CYLD: variants seen among roughly 807,000 people sequenced by gnomAD.
CYLD encodes the protein CYLD lysine 63 deubiquitinase, also known as ubiquitin carboxyl-terminal hydrolase CYLD.
CYLD carries 26 observed loss-of-function variants against 104.5 expected under a neutral mutation model. The ratio of observed to expected loss-of-function variants is 0.25; its 90% CI spans 0.18 to 0.35. The LOEUF is 0.35. Ranked by LOEUF, CYLD falls within the 10% of genes least tolerant of loss-of-function variation. CYLD has a pLI of 1.00. For missense variants in CYLD, 703 were observed against 1,136.1 expected (o/e 0.62, Z 5.48); for synonymous variants, 385 against 399.9 (o/e 0.96, Z 0.45).
Position 50,775,111 on chromosome 16 carries a change from C to A in CYLD, c.914-55C>A, listed in dbSNP as rs999493651. The A allele has an allele frequency of 5.3e-6, 8 of 1,519,740 alleles. No individual in the cohort carries two copies. In the African/African-American group the frequency reaches 5.5e-5, roughly 10 times the overall value. 94.1% of individuals were successfully genotyped at this position (1,519,740 alleles called of 1,614,324 possible). A position where few individuals can be genotyped will look rare whatever the true frequency, so the allele number is the denominator to read the frequency against. On this transcript the variant is annotated intron_variant, in intron 5 of 18. Coordinates refer to ENST00000427738, the MANE Select transcript of CYLD (RefSeq NM_001378743.1). ...TTAAAATGTAAAAATTTTCCTATTTCTTTCTTTCTGTCCTCAAATCCACTG... is the reference window on the plus strand; with the variant it reads ...TTAAAATGTAAAAATTTTCCTATTTATTTCTTTCTGTCCTCAAATCCACTG...
Position 50,801,150 on chromosome 16 carries a change from T to G in CYLD, c.*4642T>G, listed in dbSNP as rs1972431152. ...GGGAGAAAGACTGTTCATCTTATTC[T>G]GAATCCTGGAGCAGCTGAAGGTTTT... On this transcript the variant is annotated 3_prime_UTR_variant, in exon 19 of 19. Transcript: ENST00000427738. The G allele has an allele frequency of 8.6e-6, 2 of 233,484 alleles. No homozygotes were observed. Among genetic ancestry groups the G allele is most frequent in the Non-Finnish European group, 1.7e-5 (2 of 118,090 alleles). 14.5% of individuals were successfully genotyped at this position (233,484 alleles called of 1,614,324 possible).
In CYLD at chr16:50,786,903, T is replaced by C. The variant is rs1272045051; in HGVS notation, c.1998T>C (p.Leu666=). The change falls in exon 13 of 19, where the codon CTT becomes CTC. Residue 666 remains leucine, a synonymous_variant. Transcript: ENST00000427738. Reference sequence around the variant, plus strand: ...AAATTATGAAACTGAGGAAAATACTTGAAAAGGTGGAGGCTGCATCAGGAT... The same window carrying C: ...AAATTATGAAACTGAGGAAAATACTCGAAAAGGTGGAGGCTGCATCAGGAT... The part of the protein sequence containing the change: ...ATKIMKLRKI[L]EKVEAASGFT... The C allele has an allele frequency of 6.2e-7, 1 of 1,614,042 alleles. No homozygotes were observed. Among genetic ancestry groups the C allele is most frequent in the East Asian group, 2.2e-5 (1 of 44,838 alleles).
Position 50,796,725 on chromosome 16 carries a change from G to T in CYLD, c.*217G>T. On this transcript the variant is annotated 3_prime_UTR_variant, in exon 19 of 19. Coordinates refer to ENST00000427738, the MANE Select transcript of CYLD (RefSeq NM_001378743.1). ...GCACTCTAGAAAGTATGTTTGTGTTGGTTTTTTAAGAAGTCTAAATGAAGT... is the reference window on the plus strand; with the variant it reads ...GCACTCTAGAAAGTATGTTTGTGTTTGTTTTTTAAGAAGTCTAAATGAAGT... 3.6e-6 allele frequency: 2 copies of T among 555,600 alleles called. No homozygotes were observed. The highest frequency in any genetic ancestry group is 3.0e-5 in the Admixed American group (1 of 33,066). 34.4% of individuals were successfully genotyped at this position (555,600 alleles called of 1,614,324 possible).
intron 2 of CYLD, 135 bp downstream of exon 2, chr16:50,742,976 A>T (rs1965853735): frequency 5.1e-6 from 2 of 395,814 alleles, no homozygotes; most frequent in Non-Finnish European, 8.9e-6. Context: ...GCTGCCGGTT[A>T]TTCATGTACT....
intron 12 of CYLD, 160 bp from the exon 13 acceptor site, chr16:50,786,695 G>C (rs1970865895): frequency 3.4e-6 from 2 of 586,096 alleles, no homozygotes; most frequent in Non-Finnish European, 6.0e-6. Context: ...GGAAGGCGGA[G>C]GTTGCAGTGA....
In CYLD at chr16:50,776,370, T is replaced by C. The variant is rs1189965429; in HGVS notation, c.1021+93T>C. 4 of 913,292 alleles carry C rather than the reference T, an allele frequency of 4.4e-6. No individual in the cohort carries two copies. In the Admixed American group the frequency reaches 7.9e-5, roughly 18 times the overall value. 56.6% of individuals were successfully genotyped at this position (913,292 alleles called of 1,614,324 possible). A position where few individuals can be genotyped will look rare whatever the true frequency, so the allele number is the denominator to read the frequency against. On this transcript the variant is annotated intron_variant, in intron 7 of 18. Coordinates refer to ENST00000427738, the MANE Select transcript of CYLD (RefSeq NM_001378743.1). Reference sequence around the variant, plus strand: ...GATTATAAGCTATTACTTCTGAACATGTATGTAGACTTTTTTTCTTTCAAA... The same window carrying C: ...GATTATAAGCTATTACTTCTGAACACGTATGTAGACTTTTTTTCTTTCAAA...
At chr16:50,793,125 C>T (rs1035553234) in intron 16 of CYLD, among the ~76,000 whole-genome samples, 24 of 151,636 alleles carry the variant, frequency 1.6e-4, no homozygotes, top group African/African-American at 4.1e-4. Context: ...TACACACACA[C>T]ACACACACAC....
In CYLD at chr16:50,799,000, C is replaced by T. The variant is rs1972274023; in HGVS notation, c.*2492C>T. 1 of 233,324 alleles carries T rather than the reference C, an allele frequency of 4.3e-6. No individual in the cohort carries two copies. Among genetic ancestry groups the T allele is most frequent in the African/African-American group, 2.2e-5 (1 of 45,344 alleles). The allele number at this position is 233,324 out of a possible 1,614,324, so 14.5% of individuals were successfully genotyped here. A position where few individuals can be genotyped will look rare whatever the true frequency, so the allele number is the denominator to read the frequency against. ...TGTCCTGGCTCCCTCTGGGTAGCCCCCTACTGTTCTGTGCTTCAGCACAGC... is the reference window on the plus strand; with the variant it reads ...TGTCCTGGCTCCCTCTGGGTAGCCCTCTACTGTTCTGTGCTTCAGCACAGC... On this transcript the variant is annotated 3_prime_UTR_variant, in exon 19 of 19. Transcript: ENST00000427738.
At chr16:50,785,747 C>G (rs1970747061) in intron 12 of CYLD, 1 of 152,206 alleles carries the variant, frequency 6.6e-6, no homozygotes, top group Admixed American at 6.5e-5. Flanking sequence ...TTCCCTGTGT[C>G]TGTAGCATTC....
intron 12 of CYLD, 68 bp downstream of exon 12, chr16:50,784,519 ATTAAT>A: frequency 6.8e-7 from 1 of 1,478,592 alleles, no homozygotes. Context: ...TGGTATAGTA[ATTAAT>A]TTATACCTTG....
rs543135136 is a variant in CYLD at position 50,781,112 on chromosome 16, G to A, written c.1519-134G>A. ...GATTACTCAACTCCTTTTTCTTGATGAGGTTCTCAGTACAGGTGCGAAGAG... is the reference window on the plus strand; with the variant it reads ...GATTACTCAACTCCTTTTTCTTGATAAGGTTCTCAGTACAGGTGCGAAGAG... On this transcript the variant is annotated intron_variant, in intron 9 of 18. Coordinates refer to ENST00000427738, the MANE Select transcript of CYLD (RefSeq NM_001378743.1). 130 of 903,062 alleles carry A rather than the reference G, an allele frequency of 1.4e-4. No individual in the cohort carries two copies. The African/African-American group carries it at 1.9e-3, about 13-fold the overall frequency. The allele number at this position is 903,062 out of a possible 1,614,324, so 55.9% of individuals were successfully genotyped here.
chr16:50,777,840 C>T lies in CYLD; in HGVS notation c.1037C>T (p.Pro346Leu). The stretch of plus-strand genomic sequence containing the variant: ...GTTCCTATAGGATCTACCTCAGACC[C>T]TGGAAATAGAAACAGATCTGAATTA... The part of the protein sequence containing the change: ...KPKATGSTSD[P>L]GNRNRSELFY... The change falls in exon 8 of 19, where the codon CCT (proline) becomes CTT (leucine). Residue 346 changes from proline (P) to leucine (L), a missense_variant. Transcript: ENST00000427738. 6.3e-7 allele frequency: 1 copy of T among 1,594,990 alleles called. No individual in the cohort carries two copies. The highest frequency in any genetic ancestry group is 1.7e-5 in the Admixed American group (1 of 59,974).
intron 5 of CYLD, among the ~76,000 whole-genome samples, chr16:50,771,038 G>A (rs575937791): frequency 1.3e-5 from 2 of 152,134 alleles, no homozygotes; most frequent in African/African-American, 4.8e-5. Context: ...CTTTTGTTTA[G>A]CTCTACATAT....
Position 50,795,499 on chromosome 16 carries a change from A to C in CYLD, c.2687-825A>C, listed in dbSNP as rs777493221. The C allele has an allele frequency of 4.3e-6, 3 of 702,256 alleles. No individual in the cohort carries two copies. In the South Asian group the frequency reaches 4.4e-5, roughly 10 times the overall value. 43.5% of individuals were successfully genotyped at this position (702,256 alleles called of 1,614,324 possible). On this transcript the variant is annotated intron_variant, in intron 18 of 18. Transcript: ENST00000427738. Reference sequence around the variant, plus strand: ...AAGACCAGGCCTGGGCAAGGTTGTGAGGTGTGACTCTCATGTTCCTCCATT... The same window carrying C: ...AAGACCAGGCCTGGGCAAGGTTGTGCGGTGTGACTCTCATGTTCCTCCATT...
At chr16:50,745,584 C>T (rs375085305) in intron 2 of CYLD, among the ~76,000 whole-genome samples, 3 of 151,828 alleles carry the variant, frequency 2.0e-5, no homozygotes, top group African/African-American at 7.3e-5. Flanking sequence ...GGGACAGGCT[C>T]TCATTCTGTC....
At chr16:50,771,578 C>A (rs1436670794) in intron 5 of CYLD, among the ~76,000 whole-genome samples, 1 of 152,112 alleles carries the variant, frequency 6.6e-6, no homozygotes, top group Admixed American at 6.6e-5. Context: ...TGTGGAACTG[C>A]CAAATGGTTT....
At chr16:50,778,454 C>A (rs1416237881) in intron 8 of CYLD, among the ~76,000 whole-genome samples, 1 of 152,148 alleles carries the variant, frequency 6.6e-6, no homozygotes, top group Non-Finnish European at 1.5e-5. Flanking sequence ...CAACCACAGA[C>A]ACAGTAGAGT....
Position 50,797,253 on chromosome 16 carries a change from A to G in CYLD, c.*745A>G, listed in dbSNP as rs1972132246. ...GTTACTGTCAGCTAACAGGTTTTTTAAGGCTTTTAACTATTAATATTTTAT... is the reference window on the plus strand; with the variant it reads ...GTTACTGTCAGCTAACAGGTTTTTTGAGGCTTTTAACTATTAATATTTTAT... On this transcript the variant is annotated 3_prime_UTR_variant, in exon 19 of 19. Transcript: ENST00000427738. 4.3e-6 allele frequency: 1 copy of G among 232,358 alleles called. No individual in the cohort carries two copies. Among genetic ancestry groups the G allele is most frequent in the Admixed American group, 5.6e-5 (1 of 17,774 alleles). 14.4% of individuals were successfully genotyped at this position (232,358 alleles called of 1,614,324 possible).
At chr16:50,768,351 G>GA (rs5816721) in intron 5 of CYLD, among the ~76,000 whole-genome samples, 8 of 151,480 alleles carry the variant, frequency 5.3e-5, no homozygotes, top group African/African-American at 1.7e-4. Context: ...TTCTTGAGGG[G>GA]AAAAAAAAGT....
Sources: allele counts gnomAD v4.1 joint callset (sites outside exome capture counted in the v4.1 genomes callset), GRCh38; gene constraint gnomAD v4.1.1; transcripts MANE v1.5; gene names NCBI Gene and HGNC (gene_info 2026-07-23, HGNC 2026-07-21).